The following IGF1R variants were observed in gnomAD, a reference collection of about 807,000 sequenced individuals.
IGF1R encodes the protein insulin-like growth factor 1 receptor.
In IGF1R, 44 loss-of-function variants were observed where a neutral mutation model predicts 144.6. The observed-to-expected ratio is 0.30, with a 90% CI of 0.24 to 0.39. The LOEUF (loss-of-function observed/expected upper bound fraction) is 0.39. Among genes scored for constraint, IGF1R ranks in the 10% least tolerant of loss-of-function variants. The pLI is 1.00. For missense variants in IGF1R, 1,355 were observed against 1,833.7 expected, an observed-to-expected ratio of 0.74 and a Z score of 4.77; for synonymous variants, 795 against 722.8, an observed-to-expected ratio of 1.10 and a Z score of -1.60.
chr15:98,836,572 G>A (rs190784867), intron 2 of IGF1R, among the ~76,000 whole-genome samples: 16 of 148,684 alleles, frequency 1.1e-4, no homozygotes, highest in East Asian at 3.9e-4. Context: ...TTTCCCTAAC[G>A]TTAGCATTTT....
chr15:98,849,954 A>C (rs562922653), intron 2 of IGF1R, among the ~76,000 whole-genome samples: 8 of 152,372 alleles, frequency 5.3e-5, no homozygotes, highest in African/African-American at 1.4e-4. Context: ...ACGGCAGAAT[A>C]GCACATCTAT....
At chr15:98,802,267 CTA>C (rs1375484306) in intron 2 of IGF1R, among the ~76,000 whole-genome samples, 1 of 152,204 alleles carries the variant, frequency 6.6e-6, no homozygotes, top group African/African-American at 2.4e-5. Flanking sequence ...ATAATAACTA[CTA>C]TATCCAGCAT....
rs771184648 is a variant in IGF1R at position 98,961,359 on chromosome 15, T to TAACA, written c.*3918_*3921dup. The TAACA allele has an allele frequency of 1.3e-5, 3 of 233,426 alleles. No individual in the cohort carries two copies. Among genetic ancestry groups the TAACA allele is most frequent in the Admixed American group, 5.6e-5 (1 of 17,772 alleles). The allele number at this position is 233,426 out of a possible 1,614,324, so 14.5% of individuals were successfully genotyped here. A position where few individuals can be genotyped will look rare whatever the true frequency, so the allele number is the denominator to read the frequency against. On this transcript the variant is annotated 3_prime_UTR_variant, in exon 21 of 21. Transcript: ENST00000650285. ...TAGGTAGCTTTTAAGTAGAAAACACTAACAGTGTAGTGCCCATCATAGCAA... is the reference window on the plus strand; with the variant it reads ...TAGGTAGCTTTTAAGTAGAAAACACTAACAAACAGTGTAGTGCCCATCATAGCAA...
In IGF1R at chr15:98,916,733, C is replaced by T. The variant is rs1380994617; in HGVS notation, c.2058C>T (p.Asn686=). 2 of 1,614,074 alleles carry T rather than the reference C, an allele frequency of 1.2e-6. No individual in the cohort carries two copies. The highest frequency in any genetic ancestry group is 1.7e-6 in the Non-Finnish European group (2 of 1,180,008). ...TCGACATTGAGGAGGTCACAGAGAA[C>T]CCCAAGACTGAGGTGTGTGGTGGGG... is the stretch of plus-strand genomic sequence containing the variant. ...GTIDIEEVTE[N]PKTEVCGGEK... is the part of the protein sequence containing the mutation. The change falls in exon 10 of 21, where the codon AAC becomes AAT. Residue 686 remains asparagine (N), a synonymous_variant. Coordinates refer to ENST00000650285, the MANE Select transcript of IGF1R (RefSeq NM_000875.5).
chr15:98,943,195 T>C, intron 19 of IGF1R, 143 bp downstream of exon 19: 1 of 931,996 alleles, frequency 1.1e-6, no homozygotes, highest in Admixed American at 1.9e-5. Flanking sequence ...CCACACTTCT[T>C]CATCATTGAG....
At chr15:98,932,755 C>G (rs1340169680) in intron 15 of IGF1R, among the ~76,000 whole-genome samples, 1 of 152,158 alleles carries the variant, frequency 6.6e-6, no homozygotes, top group African/African-American at 2.4e-5. Context: ...GTGCAAGCCA[C>G]CTATGCCAGC....
chr15:98,806,214 G>C (rs1050899604), intron 2 of IGF1R, among the ~76,000 whole-genome samples: 7 of 152,172 alleles, frequency 4.6e-5, no homozygotes, highest in African/African-American at 1.7e-4. Context: ...GTCCAGAGTG[G>C]ACAGGACAAG....
intron 1 of IGF1R, among the ~76,000 whole-genome samples, chr15:98,679,441 A>G (rs531857037): frequency 2.4e-4 from 37 of 152,164 alleles, no homozygotes; most frequent in Non-Finnish European, 3.5e-4. Context: ...GTTTTGGTCA[A>G]TGGTGGACCT....
At position 98,915,991 on chromosome 15, in the gene IGF1R, C is replaced by T. The variant is rs1567196610; in HGVS notation, c.1856C>T (p.Ser619Leu). Residue 619 changes from serine to leucine, a missense_variant, in exon 9 of 21, where the codon TCA (serine) becomes TTA (leucine). By Grantham distance (145) the Ser-to-Leu change is moderately radical. Around this residue, in one of 7 missense-constraint regions of IGF1R, gnomAD observed 880 missense variants for 1,202.7 expected, o/e 0.73. Transcript: ENST00000650285. ...CCTTCCATTCCCTTGGACGTTCTTT[C>T]AGCATCGAACTCCTCTTCTCAGTTA... ...SVPSIPLDVL[S>L]ASNSSSQLIV... The T allele has an allele frequency of 6.2e-7, 1 of 1,614,118 alleles. No homozygotes were observed. The highest frequency in any genetic ancestry group is 1.3e-5 in the African/African-American group (1 of 75,026).
At chr15:98,728,756 C>G (rs2054426720) in intron 2 of IGF1R, among the ~76,000 whole-genome samples, 2 of 152,358 alleles carry the variant, frequency 1.3e-5, no homozygotes, top group Non-Finnish European at 2.9e-5. Flanking sequence ...GGTGATCACC[C>G]TCTCTGTAAG....
intron 2 of IGF1R, among the ~76,000 whole-genome samples, chr15:98,803,362 C>T (rs953567672): frequency 2.6e-5 from 4 of 152,054 alleles, no homozygotes; most frequent in Admixed American, 2.0e-4. Context: ...AAATGGTACA[C>T]CTGTATAGGG....
In IGF1R at chr15:98,957,263, G is replaced by A. The variant is rs542567372; in HGVS notation, c.3925G>A (p.Ala1309Thr). Residue 1309 changes from alanine to threonine, a missense_variant, in exon 21 of 21, where the codon GCC becomes ACC. By Grantham distance (58) the Ala-to-Thr change is moderately conservative. Transcript: ENST00000650285. ...NMESVPLDPS[A>T]SSSSLPLPDR... is the part of the protein sequence containing the mutation. The stretch of plus-strand genomic sequence containing the variant: ...GGAGAGCGTCCCCCTGGACCCCTCG[G>A]CCTCCTCGTCCTCCCTGCCACTGCC... 56 of 1,614,046 alleles carry A rather than the reference G, an allele frequency of 3.5e-5. No individual in the cohort carries two copies. In the East Asian group the frequency reaches 1.2e-3, roughly 35 times the overall value.
At chr15:98,743,052 A>G (rs922911881) in intron 2 of IGF1R, among the ~76,000 whole-genome samples, 1 of 152,172 alleles carries the variant, frequency 6.6e-6, no homozygotes, top group Admixed American at 6.5e-5. Context: ...TGTTGTGGTA[A>G]TCATGATATC....
intron 1 of IGF1R, among the ~76,000 whole-genome samples, chr15:98,667,911 G>A (rs1008947198): frequency 2.0e-5 from 3 of 152,058 alleles, no homozygotes; most frequent in Admixed American, 2.0e-4. Flanking sequence ...GTCAGATGAT[G>A]AGAGGTGTTG....
intron 2 of IGF1R, among the ~76,000 whole-genome samples, chr15:98,787,454 T>C (rs1276823376): frequency 1.3e-5 from 2 of 152,180 alleles, no homozygotes; most frequent in Non-Finnish European, 2.9e-5. Context: ...GGGAAAATGG[T>C]GACACAGAGC....
At chr15:98,791,741 A>G (rs773887032) in intron 2 of IGF1R, among the ~76,000 whole-genome samples, 2 of 152,264 alleles carry the variant, frequency 1.3e-5, no homozygotes, top group Non-Finnish European at 2.9e-5. Flanking sequence ...TAAATTTCAC[A>G]GGTAAATGTG....
At chr15:98,853,099 G>T (rs901417238) in intron 2 of IGF1R, among the ~76,000 whole-genome samples, 2 of 152,138 alleles carry the variant, frequency 1.3e-5, no homozygotes, top group African/African-American at 4.8e-5. Context: ...TCTCGTTATT[G>T]TTGCTGGTTT....
chr15:98,693,805 C>A (rs2053536012), intron 1 of IGF1R, among the ~76,000 whole-genome samples: 1 of 152,106 alleles, frequency 6.6e-6, no homozygotes, highest in Non-Finnish European at 1.5e-5. Flanking sequence ...GGGGTTTTAC[C>A]ATGTTGGTCA....
In IGF1R at chr15:98,930,125, C is replaced by T. The variant is rs1011784176; in HGVS notation, c.2886-110C>T. The stretch of plus-strand genomic sequence containing the variant: ...GACAGTAAGCTCTCCCCATTCTGTT[C>T]TGATACCGTGTGAGAGAGGATAAAT... On this transcript the variant is annotated intron_variant, in intron 14 of 20. Coordinates refer to ENST00000650285, the MANE Select transcript of IGF1R (RefSeq NM_000875.5). The T allele has an allele frequency of 1.6e-5, 13 of 803,418 alleles. No individual in the cohort carries two copies. The Admixed American group carries it at 2.6e-4, about 16-fold the overall frequency. The allele number at this position is 803,418 out of a possible 1,614,324, so 49.8% of individuals were successfully genotyped here.
Sources: allele counts gnomAD v4.1 joint callset (sites outside exome capture counted in the v4.1 genomes callset), GRCh38; gene constraint gnomAD v4.1.1; regional missense constraint gnomAD v4.1.1; transcripts MANE v1.5; gene names NCBI Gene and HGNC (gene_info 2026-07-23, HGNC 2026-07-21).